The following SLCO1B3 variants were observed in gnomAD, a reference collection of about 807,000 sequenced individuals.
SLCO1B3 encodes the protein liver-specific organic anion transporter 2.
A neutral mutation model predicts 71.8 loss-of-function variants in SLCO1B3; 72 were observed. The observed-to-expected ratio is 1.00, with a 90% CI of 0.83 to 1.22. SLCO1B3 has a LOEUF of 1.22. Ranked by LOEUF, SLCO1B3 falls within the 50% of genes most tolerant of loss-of-function variation. The pLI is 0.00. For synonymous variants in SLCO1B3, 298 were observed against 278.4 expected, an observed-to-expected ratio of 1.07 and a Z score of -0.70; for missense variants, 911 against 819.7, an observed-to-expected ratio of 1.11 and a Z score of -1.36.
chr12:20,907,433 T>TC (rs57770589), intron 15 of SLCO1B3, among the ~76,000 whole-genome samples: 90,636 of 122,512 alleles, frequency 0.74, 36,253 homozygotes, highest in South Asian at 0.93. Flanking sequence ...CCTTTCTTCC[T>TC]CCCCCTTCCC....
chr12:20,896,183 C>T (rs1433684216), intron 13 of SLCO1B3, among the ~76,000 whole-genome samples: 1 of 147,630 alleles, frequency 6.8e-6, no homozygotes, highest in East Asian at 2.0e-4. Flanking sequence ...AGACATTTTC[C>T]CCATTGTCTT....
At chr12:20,831,124 C>T (rs112754247) in intron 3 of SLCO1B3, among the ~76,000 whole-genome samples, 6 of 152,020 alleles carry the variant, frequency 3.9e-5, no homozygotes, top group African/African-American at 1.2e-4. Flanking sequence ...TTTGGGAGGC[C>T]GAGGCTGGCA....
At chr12:20,905,122 A>C (rs1331985285) in intron 15 of SLCO1B3, among the ~76,000 whole-genome samples, 2 of 152,146 alleles carry the variant, frequency 1.3e-5, no homozygotes, top group Non-Finnish European at 2.9e-5. Flanking sequence ...TCATGGCCCA[A>C]GCTGTACCTT....
At chr12:20,908,016 G>A (rs1387576977) in intron 15 of SLCO1B3, among the ~76,000 whole-genome samples, 1 of 152,102 alleles carries the variant, frequency 6.6e-6, no homozygotes, top group Non-Finnish European at 1.5e-5. Flanking sequence ...CTTTAGTTAT[G>A]TTAGTTTCAG....
chr12:20,877,946 A>T lies in SLCO1B3; in HGVS notation c.1135+10A>T, dbSNP rs571554742. On this transcript the variant is annotated intron_variant, in intron 10 of 15. Coordinates refer to ENST00000381545, the MANE Select transcript of SLCO1B3 (RefSeq NM_019844.4). ...GCTAACTTTTTGTTGGGTAAGACAT[A>T]TTTTTTACCTGTTTGCTTGATAAAT... The T allele has an allele frequency of 6.4e-7, 1 of 1,569,256 alleles. No homozygotes were observed. Among genetic ancestry groups the T allele is most frequent in the South Asian group, 1.2e-5 (1 of 83,762 alleles).
At chr12:20,824,275 C>A (rs894771188) in intron 3 of SLCO1B3, among the ~76,000 whole-genome samples, 1 of 152,112 alleles carries the variant, frequency 6.6e-6, no homozygotes, top group Non-Finnish European at 1.5e-5. Context: ...TTTCAGTCTT[C>A]TATTAGTTTG....
intron 3 of SLCO1B3, among the ~76,000 whole-genome samples, chr12:20,830,199 A>G (rs536463575): frequency 6.6e-6 from 1 of 152,326 alleles, no homozygotes; most frequent in Non-Finnish European, 1.5e-5. Context: ...GTGAAAGGTT[A>G]GGGCCATCTC....
intron 3 of SLCO1B3, among the ~76,000 whole-genome samples, chr12:20,852,228 GC>G (rs1865039951): frequency 1.3e-5 from 2 of 152,108 alleles, no homozygotes; most frequent in Admixed American, 6.5e-5. Flanking sequence ...TATCCCCAGG[GC>G]TTTGGAAGTC....
chr12:20,856,685 G>A (rs1001638057), intron 4 of SLCO1B3, among the ~76,000 whole-genome samples: 6 of 152,092 alleles, frequency 3.9e-5, no homozygotes, highest in Non-Finnish European at 7.4e-5. Context: ...TCAGCCTCCC[G>A]AGTAGCTGGG....
At chr12:20,865,286 A>T (rs1865349821) in intron 8 of SLCO1B3, among the ~76,000 whole-genome samples, 1 of 152,188 alleles carries the variant, frequency 6.6e-6, no homozygotes, top group Non-Finnish European at 1.5e-5. Context: ...ATTATGAAAC[A>T]ATATGATCAC....
In SLCO1B3 at chr12:20,862,609, C is replaced by T. The variant is rs375296995; in HGVS notation, c.628+51C>T. The T allele has an allele frequency of 5.9e-6, 9 of 1,518,420 alleles. No homozygotes were observed. The African/African-American group carries it at 1.1e-4, about 19-fold the overall frequency. The allele number at this position is 1,518,420 out of a possible 1,614,324, so 94.1% of individuals were successfully genotyped here. ...CATGATTACATTCCCTGGATCTACC[C>T]TTGAAATAATAATGTCATTATTTTT... On this transcript the variant is annotated intron_variant, in intron 7 of 15. Transcript: ENST00000381545.
chr12:20,877,940 A>G lies in SLCO1B3; in HGVS notation c.1135+4A>G. 6.3e-7 allele frequency: 1 copy of G among 1,581,640 alleles called. No individual in the cohort carries two copies. Among genetic ancestry groups the G allele is most frequent in the African/African-American group, 1.4e-5 (1 of 73,034 alleles). On this transcript the variant is annotated splice_donor_region_variant and intron_variant, in intron 10 of 15. Coordinates refer to ENST00000381545, the MANE Select transcript of SLCO1B3 (RefSeq NM_019844.4). The stretch of plus-strand genomic sequence containing the variant: ...TCTCATGCTAACTTTTTGTTGGGTA[A>G]GACATATTTTTTACCTGTTTGCTTG...
intron 3 of SLCO1B3, among the ~76,000 whole-genome samples, chr12:20,841,581 CTTTTA>C (rs1459807918): frequency 6.6e-6 from 1 of 152,036 alleles, no homozygotes; most frequent in Non-Finnish European, 1.5e-5. Context: ...TTCTTTTCAA[CTTTTA>C]TTTTAGGTTC....
rs147084188 is a variant in SLCO1B3, at chr12:20,838,188, T to A, written c.85-16840T>A. ...GGTACATGTGCACAACATGCAGGTT[T>A]GTTACATTTGTATACCTTTTTTTAA... is the stretch of plus-strand genomic sequence containing the variant. On this transcript the variant is annotated intron_variant, in intron 3 of 15. Transcript: ENST00000381545. 8.7e-3 allele frequency among the ~76,000 whole-genome samples: 1,328 copies of A among 152,054 alleles called. 13 individuals carry two copies. The highest frequency in any genetic ancestry group is 0.03 in the African/African-American group (1,253 of 41,514).
intron 3 of SLCO1B3, among the ~76,000 whole-genome samples, chr12:20,842,761 G>C (rs1024416459): frequency 2.0e-5 from 3 of 151,972 alleles, no homozygotes; most frequent in Admixed American, 6.6e-5. Flanking sequence ...TTTTTGAATT[G>C]ATATATTTAT....
At chr12:20,877,268 T>C (rs4149132) in intron 9 of SLCO1B3, among the ~76,000 whole-genome samples, 109,991 of 151,936 alleles carry the variant, frequency 0.72, 42,415 homozygotes, top group South Asian at 0.9. Context: ...AGGGTAGTGA[T>C]GTGAATAGTA....
At chr12:20,879,216 T>TC (rs1865640263) in intron 10 of SLCO1B3, among the ~76,000 whole-genome samples, 1 of 144,506 alleles carries the variant, frequency 6.9e-6, no homozygotes, top group Non-Finnish European at 1.5e-5. Context: ...TTTTTTTTTT[T>TC]TTTTTTTTTT....
At chr12:20,855,886 A>G (rs905417036) in intron 4 of SLCO1B3, among the ~76,000 whole-genome samples, 2 of 151,842 alleles carry the variant, frequency 1.3e-5, no homozygotes, top group African/African-American at 4.8e-5. Flanking sequence ...TCACTTTCTA[A>G]TTATTTGGAG....
intron 5 of SLCO1B3, 29 bp from the exon 6 acceptor site, chr12:20,860,988 A>C: frequency 6.5e-7 from 1 of 1,540,820 alleles, no homozygotes; most frequent in South Asian, 1.2e-5. Flanking sequence ...TAGATAAGCA[A>C]AATGTTCAAT....
Sources: gnomAD v4.1 joint callset for allele counts (sites outside exome capture counted in the v4.1 genomes callset) on GRCh38, gnomAD v4.1.1 for gene constraint, MANE v1.5 for transcripts, NCBI Gene and HGNC (gene_info 2026-07-23, HGNC 2026-07-21) for gene names.